The following KIAA1614 variants were observed in gnomAD, a reference collection of about 807,000 sequenced individuals.
KIAA1614 encodes KIAA1614.
In KIAA1614, 76 loss-of-function variants were observed where a neutral mutation model predicts 88.7. The observed-to-expected ratio is 0.86, with a 90% CI of 0.71 to 1.04. The LOEUF is 1.04. Ranked by LOEUF, KIAA1614 falls within the 50% of genes least tolerant of loss-of-function variation. The probability of loss-of-function intolerance (pLI) is 0.00; values close to 1 mark genes in which losing one functional copy is unlikely to be tolerated. For synonymous variants in KIAA1614, 714 were observed against 675.5 expected (o/e 1.06, Z -0.88); for missense variants, 1,553 against 1,582.5 (o/e 0.98, Z 0.32).
chr1:180,943,171 C>T (rs1654508888), intron 7 of KIAA1614, among the ~76,000 whole-genome samples: 1 of 152,116 alleles, frequency 6.6e-6, no homozygotes, highest in Non-Finnish European at 1.5e-5. Flanking sequence ...AGAGTACAGG[C>T]ATAGGCCACC....
At chr1:180,929,307 G>A (rs1240755277) in intron 4 of KIAA1614, among the ~76,000 whole-genome samples, 1 of 152,166 alleles carries the variant, frequency 6.6e-6, no homozygotes, top group African/African-American at 2.4e-5. Context: ...TGTGGGAGGT[G>A]TGAGAAGGGA....
Position 180,936,624 on chromosome 1 carries a change from C to T in KIAA1614, c.2715C>T (p.Gly905=). 6.3e-7 allele frequency: 1 copy of T among 1,588,878 alleles called. No homozygotes were observed. Among genetic ancestry groups the T allele is most frequent in the Admixed American group, 1.8e-5 (1 of 56,180 alleles). The change falls in exon 5 of 9, where the codon GGC becomes GGT. Residue 905 remains glycine (G), a synonymous_variant. Coordinates refer to ENST00000367588, the MANE Select transcript of KIAA1614 (RefSeq NM_020950.2). ...GAVHEGRVER[G]PCSREPEPPL... ...TCCACGAGGGTAGGGTGGAGAGGGGCCCCTGCAGCCGGGAACCGGAGCCGC... is the reference window on the plus strand; with the variant it reads ...TCCACGAGGGTAGGGTGGAGAGGGGTCCCTGCAGCCGGGAACCGGAGCCGC...
At chr1:180,944,920 C>A in intron 8 of KIAA1614, 1 of 268,662 alleles carries the variant, frequency 3.7e-6, no homozygotes, top group Non-Finnish European at 6.9e-6. Flanking sequence ...CCACCCTGTC[C>A]GATGAGGCCC....
At chr1:180,921,964 G>A (rs530945557) in intron 3 of KIAA1614, among the ~76,000 whole-genome samples, 9 of 152,324 alleles carry the variant, frequency 5.9e-5, no homozygotes, top group East Asian at 3.9e-4. Flanking sequence ...GTAACCTAGC[G>A]CAAGTGAAAG....
At chr1:180,914,905 G>A (rs1653743720) in intron 1 of KIAA1614, among the ~76,000 whole-genome samples, 1 of 152,018 alleles carries the variant, frequency 6.6e-6, no homozygotes, top group Admixed American at 6.6e-5. Flanking sequence ...CTGACCTCAG[G>A]ATCCACCCGC....
In KIAA1614 at chr1:180,945,368, G is replaced by C. The variant is rs775698905; in HGVS notation, c.3353G>C (p.Arg1118Pro). The change falls in exon 9 of 9, where the codon CGC (arginine) becomes CCC (proline). Residue 1118 changes from arginine (R) to proline (P), a missense_variant. Physicochemically the swap from Arg to Pro is moderately radical, Grantham distance 103. Coordinates refer to ENST00000367588, the MANE Select transcript of KIAA1614 (RefSeq NM_020950.2). Reference sequence around the variant, plus strand: ...GACGTGGGTGCTCCCAGCCTGGCTCGCACCGTGGGCCGCCTGGTGGAGGTG... The same window carrying C: ...GACGTGGGTGCTCCCAGCCTGGCTCCCACCGTGGGCCGCCTGGTGGAGGTG... Reference protein sequence around the residue: ...VEDVGAPSLARTVGRLVEVFP... With the variant: ...VEDVGAPSLAPTVGRLVEVFP... The C allele has an allele frequency of 5.0e-6, 8 of 1,598,616 alleles. No individual in the cohort carries two copies. Among genetic ancestry groups the C allele is most frequent in the Non-Finnish European group, 6.8e-6 (8 of 1,175,400 alleles).
rs1355621997 is a variant in KIAA1614 at position 180,935,875 on chromosome 1, G to A, written c.1966G>A (p.Gly656Ser). The A allele has an allele frequency of 1.2e-6, 2 of 1,613,874 alleles. No homozygotes were observed. The highest frequency in any genetic ancestry group is 2.2e-5 in the South Asian group (2 of 91,088). Reference sequence around the variant, plus strand: ...GCGACTGCGGGGCTCCAGGCCTCGAGGCCACAGGTGGTCCAAGAAGGCTGA... The same window carrying A: ...GCGACTGCGGGGCTCCAGGCCTCGAAGCCACAGGTGGTCCAAGAAGGCTGA... ...RLRLRGSRPR[G>S]HRWSKKAEAE... The change falls in exon 5 of 9, where the codon GGC (glycine) becomes AGC (serine). Residue 656 changes from glycine (G) to serine (S), a missense_variant. Gly to Ser is a moderately conservative substitution (Grantham distance 56). Coordinates refer to ENST00000367588, the MANE Select transcript of KIAA1614 (RefSeq NM_020950.2). The surrounding 1 kb of genome is among the most constrained non-coding windows in gnomAD (Gnocchi z 6.1).
intron 3 of KIAA1614, among the ~76,000 whole-genome samples, chr1:180,919,162 G>A (rs777408246): frequency 3.9e-5 from 6 of 152,276 alleles, no homozygotes; most frequent in Admixed American, 1.3e-4. Flanking sequence ...TGAGTCCACC[G>A]TAGTCCTCCA....
chr1:180,929,453 C>T (rs1483515730), intron 4 of KIAA1614, among the ~76,000 whole-genome samples: 1 of 152,148 alleles, frequency 6.6e-6, no homozygotes, highest in African/African-American at 2.4e-5. Flanking sequence ...GAAATGCCCA[C>T]CAGGCAGTTG....
In KIAA1614 at chr1:180,917,055, G is replaced by C; in HGVS notation, c.952G>C (p.Val318Leu). The change falls in exon 2 of 9, where the codon GTG becomes CTG. Residue 318 changes from valine to leucine, a missense_variant. Val to Leu is a conservative substitution (Grantham distance 32). Transcript: ENST00000367588. ...LNVSGQSPRK[V>L]GTPAWTPSWD... ...CGTTTCTGGGCAGAGCCCCCGCAAG[G>C]TGGGAACCCCTGCCTGGACTCCATC... is the stretch of plus-strand genomic sequence containing the variant. The C allele has an allele frequency of 6.2e-7, 1 of 1,613,718 alleles. No individual in the cohort carries two copies. The highest frequency in any genetic ancestry group is 8.5e-7 in the Non-Finnish European group (1 of 1,180,034).
In KIAA1614 at chr1:180,947,225, G is replaced by A. The variant is rs1366256568; in HGVS notation, c.*1637G>A. The A allele has an allele frequency of 6.6e-6, 1 of 152,418 alleles. No homozygotes were observed. Among genetic ancestry groups the A allele is most frequent in the African/African-American group, 2.4e-5 (1 of 41,462 alleles). 9.4% of individuals were successfully genotyped at this position (152,418 alleles called of 1,614,324 possible). On this transcript the variant is annotated 3_prime_UTR_variant, in exon 9 of 9. Transcript: ENST00000367588. ...CTGGACACTGCAGAGCAGGCAACGG[G>A]TTGGGAGGAGCAGAGTTTGGAAAGA...
rs1241617489 is a variant in KIAA1614 at position 180,947,869 on chromosome 1, A to T, written c.*2281A>T. On this transcript the variant is annotated 3_prime_UTR_variant, in exon 9 of 9. Transcript: ENST00000367588. ...TTTCTTCCCTCCCCTTCAGAAAGAGAAAGTCTGGGGAAGAGAACCCCAGAC... is the reference window on the plus strand; with the variant it reads ...TTTCTTCCCTCCCCTTCAGAAAGAGTAAGTCTGGGGAAGAGAACCCCAGAC... 1 of 152,280 alleles carries T rather than the reference A, an allele frequency of 6.6e-6. No homozygotes were observed. Among genetic ancestry groups the T allele is most frequent in the African/African-American group, 2.4e-5 (1 of 41,452 alleles). 9.4% of individuals were successfully genotyped at this position (152,280 alleles called of 1,614,324 possible). A position where few individuals can be genotyped will look rare whatever the true frequency, so the allele number is the denominator to read the frequency against.
chr1:180,944,220 G>T, intron 7 of KIAA1614, 169 bp from the exon 8 acceptor site: 1 of 615,418 alleles, frequency 1.6e-6, no homozygotes, highest in East Asian at 3.2e-5. Flanking sequence ...GTAGACCCAT[G>T]ATGTCCTTGA....
At chr1:180,943,550 C>CTTTTTTTTTTTTTTTTTTTTTTTTTTT (rs60128001) in intron 7 of KIAA1614, among the ~76,000 whole-genome samples, 3 of 98,186 alleles carry the variant, frequency 3.1e-5, no homozygotes, top group African/African-American at 4.2e-5. Context: ...GGTAGTAGAT[C>CTTTTTTTTTTTTTTTTTTTTTTTTTTT]TTTTTTTTTT....
At chr1:180,919,568 C>G (rs1369879384) in intron 3 of KIAA1614, among the ~76,000 whole-genome samples, 1 of 152,128 alleles carries the variant, frequency 6.6e-6, no homozygotes, top group African/African-American at 2.4e-5. Flanking sequence ...CTGCCTGCAG[C>G]TGCCCCCACC....
chr1:180,950,337 C>T lies in KIAA1614; in HGVS notation c.*4749C>T, dbSNP rs1329175465. 1.7e-6 allele frequency: 2 copies of T among 1,198,004 alleles called. No individual in the cohort carries two copies. Among genetic ancestry groups the T allele is most frequent in the African/African-American group, 1.6e-5 (1 of 61,174 alleles). The allele number at this position is 1,198,004 out of a possible 1,614,324, so 74.2% of individuals were successfully genotyped here. ...TGTGAAATTCTCCTGTTTTCCTCTG[C>T]AGGGATCTACGTGCAGGAGATGGCT... is the stretch of plus-strand genomic sequence containing the variant. On this transcript the variant is annotated 3_prime_UTR_variant, in exon 9 of 9. Coordinates refer to ENST00000367588, the MANE Select transcript of KIAA1614 (RefSeq NM_020950.2).
At chr1:180,943,634 C>T (rs1440294665) in intron 7 of KIAA1614, among the ~76,000 whole-genome samples, 6 of 138,870 alleles carry the variant, frequency 4.3e-5, no homozygotes, top group Admixed American at 2.3e-4. Flanking sequence ...CTGCAACCTT[C>T]GCCTCCAGGT....
At chr1:180,915,684 T>G (rs1358349155) in intron 1 of KIAA1614, among the ~76,000 whole-genome samples, 3 of 152,118 alleles carry the variant, frequency 2.0e-5, no homozygotes, top group African/African-American at 7.2e-5. Flanking sequence ...CCAATAGCGG[T>G]CCACAGCCCA....
chr1:180,948,175 C>T lies in KIAA1614; in HGVS notation c.*2587C>T, dbSNP rs1342446171. On this transcript the variant is annotated 3_prime_UTR_variant, in exon 9 of 9. Coordinates refer to ENST00000367588, the MANE Select transcript of KIAA1614 (RefSeq NM_020950.2). ...TGGATGGCACACAGGGGTCCCCACG[C>T]ACATGAAGCCTGGCGAGTGCTGGGG... 6.6e-6 allele frequency: 1 copy of T among 152,268 alleles called. No homozygotes were observed. Among genetic ancestry groups the T allele is most frequent in the Non-Finnish European group, 1.5e-5 (1 of 68,046 alleles). 9.4% of individuals were successfully genotyped at this position (152,268 alleles called of 1,614,324 possible). A position where few individuals can be genotyped will look rare whatever the true frequency, so the allele number is the denominator to read the frequency against.
Sources: gnomAD v4.1 joint callset for allele counts (sites outside exome capture counted in the v4.1 genomes callset) on GRCh38, gnomAD v4.1.1 for gene constraint, Gnocchi (gnomAD v3.1) non-coding constraint, MANE v1.5 for transcripts, NCBI Gene and HGNC (gene_info 2026-07-23, HGNC 2026-07-21) for gene names.